CACNA2D3: variants seen among roughly 807,000 people sequenced by gnomAD.
The protein encoded by CACNA2D3 is calcium voltage-gated channel auxiliary subunit alpha2delta 3.
A neutral mutation model predicts 160.6 loss-of-function variants in CACNA2D3; 60 were observed. The observed-to-expected ratio is 0.37, with a 90% CI of 0.30 to 0.46. The LOEUF (loss-of-function observed/expected upper bound fraction) is 0.46. Among genes scored for constraint, CACNA2D3 ranks in the 20% least tolerant of loss-of-function variants. CACNA2D3 has a pLI of 1.00. For missense variants in CACNA2D3, 1,205 were observed against 1,365.0 expected (o/e 0.88, Z 1.85); for synonymous variants, 558 against 492.9 (o/e 1.13, Z -1.75).
intron 11 of CACNA2D3, 76 bp downstream of exon 11, chr3:54,642,317 T>TTACTCATGGAC: frequency 1.3e-6 from 1 of 793,174 alleles, no homozygotes; most frequent in Non-Finnish European, 2.0e-6. Context: ...TGTCCATGAG[T>TTACTCATGGAC]AAGTGCCTCA....
At chr3:54,763,060 C>A (rs1702108860) in intron 12 of CACNA2D3, among the ~76,000 whole-genome samples, 1 of 144,180 alleles carries the variant, frequency 6.9e-6, no homozygotes, top group South Asian at 2.2e-4. Flanking sequence ...TGCACTCCAG[C>A]CTGGGCGACA....
chr3:54,364,791 G>C (rs1698801345), intron 3 of CACNA2D3, among the ~76,000 whole-genome samples: 1 of 152,342 alleles, frequency 6.6e-6, no homozygotes, highest in South Asian at 2.1e-4. Flanking sequence ...AGCGGAAAGA[G>C]GAAGGAGGTG....
At chr3:54,421,018 A>G (rs1699828796) in intron 4 of CACNA2D3, among the ~76,000 whole-genome samples, 1 of 152,212 alleles carries the variant, frequency 6.6e-6, no homozygotes. Context: ...GGGTTACAGC[A>G]TGGTGTCCTG....
chr3:54,718,063 A>G (rs71301899), intron 11 of CACNA2D3, among the ~76,000 whole-genome samples: 23 of 152,130 alleles, frequency 1.5e-4, no homozygotes, highest in Non-Finnish European at 1.9e-4. Context: ...AAGATTTTTG[A>G]CAATTTAAGA....
At chr3:55,054,024 T>G (rs1385707416) in intron 35 of CACNA2D3, among the ~76,000 whole-genome samples, 1 of 151,682 alleles carries the variant, frequency 6.6e-6, no homozygotes, top group Non-Finnish European at 1.5e-5. Context: ...ATTTTTTTCC[T>G]GCTATTGGCT....
At position 54,581,861 on chromosome 3, in the gene CACNA2D3, A is replaced by C; in HGVS notation, c.947A>C (p.Asp316Ala). ...CTGAATGGAACTTTGGTGCAAGCCG[A>C]CAGGACAAACAAAGAGGTAGGGGCA... ...PCLNGTLVQA[D>A]RTNKEHFREH... The change falls in exon 9 of 38, where the codon GAC becomes GCC. Residue 316 changes from aspartate (D) to alanine (A), a missense_variant. Around this residue, in one of 3 missense-constraint regions of CACNA2D3, gnomAD observed 911 missense variants for 1,002.2 expected, o/e 0.91. Transcript: ENST00000474759. 1 of 1,613,858 alleles carries C rather than the reference A, an allele frequency of 6.2e-7. No individual in the cohort carries two copies. Among genetic ancestry groups the C allele is most frequent in the Non-Finnish European group, 8.5e-7 (1 of 1,179,832 alleles).
intron 2 of CACNA2D3, among the ~76,000 whole-genome samples, chr3:54,253,898 G>C (rs1001949087): frequency 6.6e-6 from 1 of 152,018 alleles, no homozygotes. Flanking sequence ...CTCCCGAGTA[G>C]CTGGGATTAT....
intron 8 of CACNA2D3, among the ~76,000 whole-genome samples, chr3:54,576,382 A>G (rs1415245679): frequency 1.3e-5 from 2 of 152,130 alleles, no homozygotes; most frequent in Non-Finnish European, 2.9e-5. Flanking sequence ...GCCCATTTGC[A>G]TTGCTTTTAG....
At chr3:54,649,432 G>A (rs368154090) in intron 11 of CACNA2D3, among the ~76,000 whole-genome samples, 27 of 152,318 alleles carry the variant, frequency 1.8e-4, no homozygotes, top group Non-Finnish European at 3.2e-4. Context: ...AGAGGCTCGG[G>A]AAATCAGAGA....
intron 13 of CACNA2D3, among the ~76,000 whole-genome samples, chr3:54,810,913 T>G (rs944929993): frequency 8.5e-5 from 13 of 152,310 alleles, no homozygotes; most frequent in Non-Finnish European, 1.5e-4. Context: ...AATACCTTTA[T>G]CAGGGCCTCA....
At chr3:54,611,781 G>A (rs1479530058) in intron 9 of CACNA2D3, among the ~76,000 whole-genome samples, 1 of 152,090 alleles carries the variant, frequency 6.6e-6, no homozygotes, top group African/African-American at 2.4e-5. Flanking sequence ...TTGGCAGGAT[G>A]TGGAGAGAGA....
rs1553874401 is a variant in CACNA2D3, at chr3:54,822,832, T to TTTCTTTCTTTCTTTCTTTC, written c.1398+5964_1398+5965insCTTTCTTTCTTTCTTTCTT. Among the ~76,000 whole-genome samples the TTTCTTTCTTTCTTTCTTTC allele has an allele frequency of 6.7e-4, 39 of 58,022 alleles. 5 individuals are homozygous for TTTCTTTCTTTCTTTCTTTC. Among genetic ancestry groups the TTTCTTTCTTTCTTTCTTTC allele is most frequent in the Middle Eastern group, 0.013 (2 of 150 alleles). The allele number at this position is 58,022 out of a possible 152,430, so 38.1% of individuals were successfully genotyped here. A position where few individuals can be genotyped will look rare whatever the true frequency, so the allele number is the denominator to read the frequency against. ...CTTTCTTTCTTTCTTTCTTTCTTTC[T>TTTCTTTCTTTCTTTCTTTC]TTTCTTTCTTTCTTTCTTTCTTTCT... On this transcript the variant is annotated intron_variant, in intron 14 of 37. Transcript: ENST00000474759.
chr3:54,769,708 A>G (rs921901394), intron 13 of CACNA2D3, among the ~76,000 whole-genome samples: 4 of 152,196 alleles, frequency 2.6e-5, no homozygotes, highest in African/African-American at 9.7e-5. Flanking sequence ...CCTGGGCTGA[A>G]GGAAGTTTTT....
intron 13 of CACNA2D3, among the ~76,000 whole-genome samples, chr3:54,767,317 A>G (rs1174764889): frequency 6.6e-6 from 1 of 152,218 alleles, no homozygotes; most frequent in Non-Finnish European, 1.5e-5. Context: ...TTTGAACACA[A>G]TACTTTCACT....
chr3:54,964,996 C>T (rs936034686), intron 27 of CACNA2D3, among the ~76,000 whole-genome samples: 1 of 152,082 alleles, frequency 6.6e-6, no homozygotes, highest in Non-Finnish European at 1.5e-5. Context: ...AAAATATAAA[C>T]CTGATCCTGC....
chr3:54,861,934 T>G (rs1377784228), intron 17 of CACNA2D3, among the ~76,000 whole-genome samples: 2 of 152,214 alleles, frequency 1.3e-5, no homozygotes, highest in African/African-American at 4.8e-5. Flanking sequence ...TCTCTTGGGT[T>G]TATTCAGACC....
intron 13 of CACNA2D3, among the ~76,000 whole-genome samples, chr3:54,769,900 G>A (rs983857738): frequency 7.2e-5 from 11 of 152,118 alleles, no homozygotes; most frequent in African/African-American, 2.7e-4. Context: ...TGTGAGCCAG[G>A]CACTAATGTC....
At chr3:54,256,521 A>C (rs972826534) in intron 2 of CACNA2D3, among the ~76,000 whole-genome samples, 1 of 152,122 alleles carries the variant, frequency 6.6e-6, no homozygotes, top group African/African-American at 2.4e-5. Context: ...TAGGCATTTG[A>C]GTGAGGTAAA....
chr3:54,723,077 T>C (rs1237449298), intron 11 of CACNA2D3, among the ~76,000 whole-genome samples: 1 of 152,214 alleles, frequency 6.6e-6, no homozygotes, highest in Non-Finnish European at 1.5e-5. Flanking sequence ...TGCCTTTTTT[T>C]CAGAGATGCC....
Sources: gnomAD v4.1 joint callset for allele counts (sites outside exome capture counted in the v4.1 genomes callset) on GRCh38, gnomAD v4.1.1 for gene constraint, gnomAD v4.1.1 regional missense constraint, MANE v1.5 for transcripts, NCBI Gene and HGNC (gene_info 2026-07-23, HGNC 2026-07-21) for gene names.